Variants in CLVS1 observed in about 807,000 individuals in gnomAD.
CLVS1 encodes clavesin-1.
CLVS1 carries 10 observed loss-of-function variants against 33.1 expected under a neutral mutation model. That is an observed-to-expected ratio of 0.30 (90% confidence interval 0.19 to 0.51). The LOEUF is 0.51. Ranked by LOEUF, CLVS1 falls within the 20% of genes least tolerant of loss-of-function variation. The probability of loss-of-function intolerance (pLI) is 0.97; values close to 1 mark genes in which losing one functional copy is unlikely to be tolerated. For synonymous variants in CLVS1, 163 were observed against 166.1 expected (o/e 0.98, Z 0.14); for missense variants, 343 against 433.4 (o/e 0.79, Z 1.85).
chr8:61,121,246 C>A (rs544633633), intron 1 of CLVS1, among the ~76,000 whole-genome samples: 6 of 151,970 alleles, frequency 3.9e-5, no homozygotes, highest in Admixed American at 1.3e-4. Flanking sequence ...TCACGGTGCG[C>A]GCACCCACTG....
intron 2 of CLVS1, among the ~76,000 whole-genome samples, chr8:61,220,202 C>T (rs1808179100): frequency 6.6e-6 from 1 of 152,138 alleles, no homozygotes; most frequent in East Asian, 1.9e-4. Flanking sequence ...GTTGCAGTTA[C>T]TTTTGGCATT....
chr8:61,267,378 T>C (rs1355754710), intron 2 of CLVS1, among the ~76,000 whole-genome samples: 1 of 152,158 alleles, frequency 6.6e-6, no homozygotes, highest in Non-Finnish European at 1.5e-5. Flanking sequence ...AAAATTAAGA[T>C]GCACAGAAAC....
intron 2 of CLVS1, among the ~76,000 whole-genome samples, chr8:61,139,557 C>T (rs1303603977): frequency 1.3e-5 from 2 of 151,998 alleles, no homozygotes; most frequent in African/African-American, 4.8e-5. Flanking sequence ...GAGCGGAGGC[C>T]GGGGGCGGGG....
At chr8:61,017,907 C>G in the CLVS1 span, among the ~76,000 whole-genome samples, 2 of 152,186 alleles carry the variant, frequency 1.3e-5, no homozygotes, top group African/African-American at 4.8e-5. Flanking sequence ...AAATCTAGCC[C>G]CAATACGTCC....
intron 2 of CLVS1, among the ~76,000 whole-genome samples, chr8:61,260,694 C>T (rs954627513): frequency 1.4e-4 from 22 of 152,112 alleles, no homozygotes; most frequent in African/African-American, 5.3e-4. Flanking sequence ...TGGTCCAGCC[C>T]GAACATATTG....
At chr8:61,177,138 T>C (rs1186629846) in intron 2 of CLVS1, among the ~76,000 whole-genome samples, 1 of 152,150 alleles carries the variant, frequency 6.6e-6, no homozygotes. Flanking sequence ...GCAACACTTT[T>C]CCCCTGCTGG....
At chr8:61,415,267 G>A (rs1297828656) in intron 3 of CLVS1, among the ~76,000 whole-genome samples, 2 of 152,228 alleles carry the variant, frequency 1.3e-5, no homozygotes, top group Admixed American at 6.5e-5. Flanking sequence ...AAAGGGGGCA[G>A]CCTCTGAGTG....
chr8:61,271,925 G>C (rs1237550328), intron 2 of CLVS1, among the ~76,000 whole-genome samples: 2 of 151,590 alleles, frequency 1.3e-5, no homozygotes, highest in African/African-American at 2.4e-5. Context: ...ACGTGAGATG[G>C]GTTTCCTGAA....
intron 3 of CLVS1, among the ~76,000 whole-genome samples, chr8:61,433,121 CTT>C (rs1224343584): frequency 6.6e-6 from 1 of 152,082 alleles, no homozygotes; most frequent in Non-Finnish European, 1.5e-5. Context: ...ACCTGGCTAA[CTT>C]TTGTATTTTT....
At position 61,468,735 on chromosome 8, in the gene CLVS1, A is replaced by AAAAAAAAAAAG. The variant is rs1217287345; in HGVS notation, c.977+10197_977+10198insAAAAAAGAAAA. On this transcript the variant is annotated intron_variant, in intron 5 of 5. Coordinates refer to ENST00000325897, the MANE Select transcript of CLVS1 (RefSeq NM_173519.3). ...AAGTACTAAAAAAAAAAAAAAAAAA[A>AAAAAAAAAAAG]AAAAGGTAGTTACTATGTGCTATTT... 1.1e-3 allele frequency among the ~76,000 whole-genome samples: 149 copies of AAAAAAAAAAAG among 138,654 alleles called. 1 individual carries two copies. Among genetic ancestry groups the AAAAAAAAAAAG allele is most frequent in the African/African-American group, 1.6e-3 (53 of 32,662 alleles). 91.0% of individuals were successfully genotyped at this position (138,654 alleles called of 152,430 possible).
intron 2 of CLVS1, among the ~76,000 whole-genome samples, chr8:61,347,680 A>G (rs1034283109): frequency 2.1e-5 from 2 of 93,448 alleles, no homozygotes; most frequent in Non-Finnish European, 4.3e-5. Flanking sequence ...ATATATATAT[A>G]TATCCTGAAG....
upstream of CLVS1, among the ~76,000 whole-genome samples, chr8:61,283,647 A>G (rs1487184481): frequency 6.6e-6 from 1 of 152,218 alleles, no homozygotes; most frequent in Non-Finnish European, 1.5e-5. Flanking sequence ...TTTGTGGAGT[A>G]GAGATCTTCT....
At chr8:61,405,295 T>G (rs1422717891) in intron 3 of CLVS1, among the ~76,000 whole-genome samples, 4 of 152,182 alleles carry the variant, frequency 2.6e-5, no homozygotes, top group African/African-American at 9.7e-5. Context: ...CCAAGTCTGA[T>G]TATCCTTAGT....
chr8:61,433,223 G>A (rs1328806554), intron 3 of CLVS1, among the ~76,000 whole-genome samples: 2 of 152,220 alleles, frequency 1.3e-5, no homozygotes, highest in African/African-American at 2.4e-5. Flanking sequence ...CAAAGTGCTG[G>A]GATTACAGGC....
At chr8:61,331,844 C>T (rs1563499933) in intron 2 of CLVS1, among the ~76,000 whole-genome samples, 1 of 151,158 alleles carries the variant, frequency 6.6e-6, no homozygotes, top group Admixed American at 6.6e-5. Flanking sequence ...CCTCCTCCTC[C>T]TCCTCCTTCT....
chr8:61,008,464 CTTTTTT>C, the CLVS1 span, among the ~76,000 whole-genome samples: 1 of 135,042 alleles, frequency 7.4e-6, no homozygotes. Flanking sequence ...TGGGGATTTA[CTTTTTT>C]TTTTTTTTTT....
intron 1 of CLVS1, among the ~76,000 whole-genome samples, chr8:61,113,897 G>A (rs1027494358): frequency 2.4e-4 from 36 of 152,196 alleles, no homozygotes; most frequent in Non-Finnish European, 4.4e-4. Flanking sequence ...GCCTCCCAAA[G>A]TCTTGGGATT....
Position 61,499,604 on chromosome 8 carries a change from C to G in CLVS1, c.*62C>G. On this transcript the variant is annotated 3_prime_UTR_variant, in exon 6 of 6. Transcript: ENST00000325897. ...TCAGTGGTATCAGCCACCCAGGAAG[C>G]ACATGCACAACTGACCCATGCAGAC... The G allele has an allele frequency of 8.0e-7, 1 of 1,257,372 alleles. No individual in the cohort carries two copies. Among genetic ancestry groups the G allele is most frequent in the Non-Finnish European group, 1.2e-6 (1 of 857,930 alleles). 77.9% of individuals were successfully genotyped at this position (1,257,372 alleles called of 1,614,324 possible). A position where few individuals can be genotyped will look rare whatever the true frequency, so the allele number is the denominator to read the frequency against.
At chr8:61,453,013 G>T (rs575299829) in intron 3 of CLVS1, among the ~76,000 whole-genome samples, 1 of 151,866 alleles carries the variant, frequency 6.6e-6, no homozygotes, top group African/African-American at 2.4e-5. Context: ...TCATATACCC[G>T]CAGGGAGCAG....
Sources: allele counts gnomAD v4.1 joint callset (sites outside exome capture counted in the v4.1 genomes callset), GRCh38; gene constraint gnomAD v4.1.1; transcripts MANE v1.5; gene names NCBI Gene and HGNC (gene_info 2026-07-23, HGNC 2026-07-21).